ROBO1: variants seen among roughly 807,000 people sequenced by gnomAD.
ROBO1 encodes the protein roundabout guidance receptor 1.
A neutral mutation model predicts 195.9 loss-of-function variants in ROBO1; 149 were observed. That is an observed-to-expected ratio of 0.76 (90% CI 0.67 to 0.87). The LOEUF is 0.87. Among genes scored for constraint, ROBO1 ranks in the 40% least tolerant of loss-of-function variants. The pLI is 0.00. For synonymous variants in ROBO1, 816 were observed against 733.2 expected (o/e 1.11, Z -1.82); for missense variants, 1,933 against 2,068.3 (o/e 0.93, Z 1.27).
intron 4 of ROBO1, among the ~76,000 whole-genome samples, chr3:78,874,891 TATTA>T (rs1483664768): frequency 2.6e-5 from 4 of 152,106 alleles, no homozygotes; most frequent in East Asian, 1.9e-4. Context: ...TCTATTTATT[TATTA>T]GATTCAAATA....
chr3:79,140,961 T>A (rs183993180), intron 2 of ROBO1, among the ~76,000 whole-genome samples: 1 of 152,294 alleles, frequency 6.6e-6, no homozygotes, highest in Admixed American at 6.5e-5. Context: ...CTGGTTGCTT[T>A]GTGCTGATAA....
chr3:79,612,428 A>G (rs1944690051), intron 1 of ROBO1, among the ~76,000 whole-genome samples: 1 of 151,320 alleles, frequency 6.6e-6, no homozygotes, highest in Admixed American at 6.6e-5. Context: ...CCAGTCTATC[A>G]TTGTTGGACA....
chr3:79,044,610 AT>A (rs1252348940), intron 3 of ROBO1, among the ~76,000 whole-genome samples: 2 of 152,172 alleles, frequency 1.3e-5, no homozygotes, highest in Admixed American at 1.3e-4. Context: ...GGGGCCTTAC[AT>A]TATTGCCTTT....
At chr3:79,125,665 C>T (rs1005472029) in intron 2 of ROBO1, 126 bp from the exon 3 acceptor site, 2 of 703,020 alleles carry the variant, frequency 2.8e-6, no homozygotes, top group Non-Finnish European at 5.1e-6. Flanking sequence ...GGACAACACA[C>T]AGCACGCTTC....
chr3:78,599,560 G>T (rs1009261931), intron 30 of ROBO1, among the ~76,000 whole-genome samples: 1 of 152,116 alleles, frequency 6.6e-6, no homozygotes, highest in Non-Finnish European at 1.5e-5. Flanking sequence ...CTTTGAATGG[G>T]TGAGGGGAGA....
At position 79,439,969 on chromosome 3, in the gene ROBO1, G is replaced by A. The variant is rs868368297; in HGVS notation, c.88+149855C>T. ...AAGATCTGAGAAGGCTTCATTGAGGGGTGACATTTGAGCCAGACCTTGAAA... is the reference window on the plus strand; with the variant it reads ...AAGATCTGAGAAGGCTTCATTGAGGAGTGACATTTGAGCCAGACCTTGAAA... On this transcript the variant is annotated intron_variant, in intron 2 of 30. Transcript: ENST00000464233. Among the ~76,000 whole-genome samples, 3 of 152,064 alleles carry A rather than the reference G, an allele frequency of 2.0e-5. No homozygotes were observed. The South Asian group carries it at 6.2e-4, about 32-fold the overall frequency.
At chr3:78,976,052 G>C (rs1366277593) in intron 3 of ROBO1, among the ~76,000 whole-genome samples, 2 of 152,092 alleles carry the variant, frequency 1.3e-5, no homozygotes, top group Admixed American at 1.3e-4. Context: ...TAAATCCTAA[G>C]TTTAATCAGA....
Position 79,717,506 on chromosome 3 carries a change from C to T in ROBO1, c.-51+50246G>A, listed in dbSNP as rs965757036. On this transcript the variant is annotated intron_variant, in intron 1 of 30. Transcript: ENST00000464233. ...AATTGGCAGGTGTGTTTGACCAATT[C>T]GAGCTCTCATTGTTTAAAATGAAAA... 4.6e-5 allele frequency among the ~76,000 whole-genome samples: 7 copies of T among 151,892 alleles called. No individual in the cohort carries two copies. The East Asian group carries it at 7.7e-4, about 17-fold the overall frequency.
At chr3:78,640,402 T>A (rs1029584216) in intron 21 of ROBO1, among the ~76,000 whole-genome samples, 1 of 152,170 alleles carries the variant, frequency 6.6e-6, no homozygotes. Flanking sequence ...GTTTCATACT[T>A]AATGAGTTTG....
intron 2 of ROBO1, among the ~76,000 whole-genome samples, chr3:79,239,131 C>A (rs1166168497): frequency 6.6e-6 from 1 of 151,996 alleles, no homozygotes; most frequent in Non-Finnish European, 1.5e-5. Context: ...CAAATCTCAA[C>A]GAACAAAGAA....
At chr3:79,240,167 C>T (rs1008506398) in intron 2 of ROBO1, among the ~76,000 whole-genome samples, 7 of 152,136 alleles carry the variant, frequency 4.6e-5, no homozygotes, top group South Asian at 2.1e-4. Flanking sequence ...TTGTTATTAA[C>T]GATGGTCACT....
intron 3 of ROBO1, among the ~76,000 whole-genome samples, chr3:78,946,785 G>A (rs537445008): frequency 9.9e-5 from 15 of 152,190 alleles, no homozygotes; most frequent in South Asian, 8.3e-4. Flanking sequence ...CCCATCTCAC[G>A]TGCAGAGACA....
intron 3 of ROBO1, among the ~76,000 whole-genome samples, chr3:79,032,024 T>G (rs569182531): frequency 9.0e-4 from 137 of 152,038 alleles, no homozygotes; most frequent in African/African-American, 3.2e-3. Context: ...GCCAAAAAAA[T>G]GAAAAGGACA....
chr3:79,232,043 G>T (rs2082329460), intron 2 of ROBO1, among the ~76,000 whole-genome samples: 1 of 151,828 alleles, frequency 6.6e-6, no homozygotes. Flanking sequence ...ACACACAGGG[G>T]CCTATTGGAG....
intron 2 of ROBO1, among the ~76,000 whole-genome samples, chr3:79,425,055 G>A (rs1008636642): frequency 2.6e-5 from 4 of 152,136 alleles, no homozygotes; most frequent in African/African-American, 7.2e-5. Flanking sequence ...CTAGAGCTAG[G>A]TTCCATCTGA....
chr3:79,143,793 G>A (rs932528021), intron 2 of ROBO1, among the ~76,000 whole-genome samples: 6 of 151,958 alleles, frequency 3.9e-5, no homozygotes, highest in Non-Finnish European at 7.4e-5. Context: ...GCAAGATAAA[G>A]GGTCTTGCCA....
intron 1 of ROBO1, among the ~76,000 whole-genome samples, chr3:79,766,477 C>G (rs1428488556): frequency 2.0e-5 from 3 of 151,848 alleles, no homozygotes; most frequent in African/African-American, 4.8e-5. Flanking sequence ...GAAGGGTATC[C>G]CAGGATTTTA....
intron 1 of ROBO1, among the ~76,000 whole-genome samples, chr3:79,661,536 T>A (rs1418188517): frequency 6.6e-6 from 1 of 152,060 alleles, no homozygotes; most frequent in Non-Finnish European, 1.5e-5. Flanking sequence ...ACTTCCTTTT[T>A]TTTCTATCGT....
intron 10 of ROBO1, among the ~76,000 whole-genome samples, chr3:78,678,695 C>T (rs1025151433): frequency 9.9e-5 from 15 of 152,196 alleles, no homozygotes; most frequent in African/African-American, 3.1e-4. Context: ...AGCTTACCAA[C>T]CAAAAAGAGT....
Sources: allele counts gnomAD v4.1 joint callset (sites outside exome capture counted in the v4.1 genomes callset), GRCh38; gene constraint gnomAD v4.1.1; transcripts MANE v1.5; gene names NCBI Gene and HGNC (gene_info 2026-07-23, HGNC 2026-07-21).